The following CHST8 variants were observed in gnomAD, a reference collection of about 807,000 sequenced individuals.
CHST8 encodes the protein GALNAC-4-ST1.
Under a neutral mutation model 15.0 loss-of-function variants are expected in CHST8, and 10 were observed. That is an observed-to-expected ratio of 0.67 (90% CI 0.41 to 1.13). The LOEUF is 1.13. Among genes scored for constraint, CHST8 ranks in the 50% most tolerant of loss-of-function variants. The pLI is 0.00. For synonymous variants in CHST8, 259 were observed against 256.6 expected (o/e 1.01, Z -0.09); for missense variants, 634 against 608.2 (o/e 1.04, Z -0.45).
At chr19:33,653,164 G>A (rs528897787) in intron 1 of CHST8, among the ~76,000 whole-genome samples, 132 of 152,242 alleles carry the variant, frequency 8.7e-4, no homozygotes, top group South Asian at 1.0e-3. Context: ...TAACCCCTTA[G>A]TAGTTCTTTC....
At chr19:33,646,446 C>T (rs1336467348) in intron 1 of CHST8, among the ~76,000 whole-genome samples, 1 of 152,154 alleles carries the variant, frequency 6.6e-6, no homozygotes, top group Admixed American at 6.6e-5. Flanking sequence ...CTGAAAGATA[C>T]CTCAAACACT....
intron 1 of CHST8, among the ~76,000 whole-genome samples, chr19:33,651,223 A>G (rs562292327): frequency 2.7e-4 from 41 of 152,240 alleles, no homozygotes; most frequent in African/African-American, 9.6e-4. Flanking sequence ...CTACTGATTT[A>G]TGCTTTCTAT....
intron 3 of CHST8, among the ~76,000 whole-genome samples, chr19:33,697,674 G>A (rs1282082341): frequency 6.6e-6 from 1 of 152,214 alleles, no homozygotes; most frequent in African/African-American, 2.4e-5. Context: ...CTGGGCGGCT[G>A]CCTGTGGTTC....
At chr19:33,674,721 C>T (rs78823837) in intron 2 of CHST8, among the ~76,000 whole-genome samples, 2 of 152,170 alleles carry the variant, frequency 1.3e-5, no homozygotes, top group Non-Finnish European at 1.5e-5. Flanking sequence ...CCCCCAACCA[C>T]AGGCCACCCT....
At chr19:33,661,549 G>A (rs1263845067) in intron 1 of CHST8, among the ~76,000 whole-genome samples, 2 of 152,160 alleles carry the variant, frequency 1.3e-5, no homozygotes, top group African/African-American at 2.4e-5. Flanking sequence ...CACGGTGGTG[G>A]CCTAGCCCCC....
At chr19:33,759,463 G>A (rs189489029) in intron 3 of CHST8, among the ~76,000 whole-genome samples, 6 of 152,230 alleles carry the variant, frequency 3.9e-5, no homozygotes, top group East Asian at 3.9e-4. Flanking sequence ...GGATCCCGGT[G>A]GGCCCAGAAA....
chr19:33,692,023 C>T (rs963162371), intron 3 of CHST8, among the ~76,000 whole-genome samples: 2 of 152,136 alleles, frequency 1.3e-5, no homozygotes, highest in Admixed American at 6.5e-5. Context: ...GTCCCTCCCA[C>T]GCAGCCACCG....
intron 1 of CHST8, among the ~76,000 whole-genome samples, chr19:33,626,634 C>A (rs959942381): frequency 6.6e-6 from 1 of 152,110 alleles, no homozygotes; most frequent in Non-Finnish European, 1.5e-5. Flanking sequence ...GCACCTACCC[C>A]CTACCTCTGT....
At position 33,699,160 on chromosome 19, in the gene CHST8, G is replaced by A. The variant is rs1973281896; in HGVS notation, c.130+9769G>A. On this transcript the variant is annotated intron_variant, in intron 3 of 4. Coordinates refer to ENST00000650847, the MANE Select transcript of CHST8 (RefSeq NM_001127895.2). Reference sequence around the variant, plus strand: ...CCTGGGCTTGCCAGCCACAGGGAGAGATCTGTACATGCCCATCTGTGTGAA... The same window carrying A: ...CCTGGGCTTGCCAGCCACAGGGAGAAATCTGTACATGCCCATCTGTGTGAA... 2.0e-5 allele frequency among the ~76,000 whole-genome samples: 3 copies of A among 152,332 alleles called. No individual in the cohort carries two copies. The South Asian group carries it at 6.2e-4, about 32-fold the overall frequency.
intron 1 of CHST8, among the ~76,000 whole-genome samples, chr19:33,655,468 A>G (rs1432945808): frequency 6.6e-6 from 1 of 152,140 alleles, no homozygotes; most frequent in Non-Finnish European, 1.5e-5. Context: ...TTAATTAGGA[A>G]GTTTTTCTCT....
chr19:33,695,821 C>CTTTCTTTCTTTCTTTCTTTTTTTTTTTT (rs57718433), intron 3 of CHST8, among the ~76,000 whole-genome samples: 3 of 76,240 alleles, frequency 3.9e-5, no homozygotes, highest in Non-Finnish European at 7.5e-5. Flanking sequence ...TTCTTTCTTT[C>CTTTCTTTCTTTCTTTCTTTTTTTTTTTT]TTTTTTTTTT....
chr19:33,749,903 G>A (rs550489017), intron 3 of CHST8, among the ~76,000 whole-genome samples: 49 of 152,318 alleles, frequency 3.2e-4, no homozygotes, highest in South Asian at 6.2e-4. Flanking sequence ...GGCCCTCATC[G>A]TGCAGCAGCC....
At chr19:33,758,524 T>G (rs1599632321) in intron 3 of CHST8, among the ~76,000 whole-genome samples, 1 of 152,186 alleles carries the variant, frequency 6.6e-6, no homozygotes, top group Non-Finnish European at 1.5e-5. Context: ...CTCTTTAGGG[T>G]ATCACAGCAA....
intron 3 of CHST8, among the ~76,000 whole-genome samples, chr19:33,748,359 C>T (rs1300813736): frequency 6.6e-6 from 1 of 152,268 alleles, no homozygotes; most frequent in Admixed American, 6.5e-5. Context: ...GACACAGCTT[C>T]TGCCAGGACA....
chr19:33,713,848 C>T (rs111247930), intron 3 of CHST8, among the ~76,000 whole-genome samples: 3,213 of 151,494 alleles, frequency 0.021, 58 homozygotes, highest in African/African-American at 0.054. Context: ...GTTGAGTTAC[C>T]ACACCCAGCC....
chr19:33,664,400 G>A (rs1235118369), intron 1 of CHST8, among the ~76,000 whole-genome samples: 1 of 148,786 alleles, frequency 6.7e-6, no homozygotes, highest in African/African-American at 2.5e-5. Context: ...TCGTCATCTA[G>A]CATTAGGTAT....
chr19:33,638,634 T>A (rs1243905137), intron 1 of CHST8, among the ~76,000 whole-genome samples: 4 of 152,218 alleles, frequency 2.6e-5, no homozygotes, highest in African/African-American at 4.8e-5. Context: ...TCAATCACAA[T>A]GTTCTTGTAA....
intron 3 of CHST8, 54 bp from the exon 4 acceptor site, chr19:33,771,359 G>A: frequency 6.3e-7 from 1 of 1,576,828 alleles, no homozygotes; most frequent in East Asian, 2.2e-5. Flanking sequence ...GCAGTTCCCT[G>A]GGAGCCATGT....
At chr19:33,681,399 G>T (rs1424382306) in intron 2 of CHST8, among the ~76,000 whole-genome samples, 1 of 152,212 alleles carries the variant, frequency 6.6e-6, no homozygotes, top group Non-Finnish European at 1.5e-5. Context: ...GCTTGGCTGG[G>T]CTCATGTGGG....
Sources: allele counts gnomAD v4.1 joint callset (sites outside exome capture counted in the v4.1 genomes callset), GRCh38; gene constraint gnomAD v4.1.1; transcripts MANE v1.5; gene names NCBI Gene and HGNC (gene_info 2026-07-23, HGNC 2026-07-21).